The following OR2L13 variants were observed in gnomAD, a reference collection of about 807,000 sequenced individuals.
The protein encoded by OR2L13 is olfactory receptor 2L13.
In OR2L13, 14 loss-of-function variants were observed where a neutral mutation model predicts 15.3. That is an observed-to-expected ratio of 0.91 (90% CI 0.60 to 1.43). The LOEUF is 1.43. Ranked by LOEUF, OR2L13 falls within the 40% of genes most tolerant of loss-of-function variation. The pLI is 0.00. For synonymous variants in OR2L13, 152 were observed against 142.9 expected (o/e 1.06, Z -0.45); for missense variants, 367 against 387.9 (o/e 0.95, Z 0.45).
At chr1:247,946,382 G>T in the OR2L13 span, among the ~76,000 whole-genome samples, 1 of 152,114 alleles carries the variant, frequency 6.6e-6, no homozygotes, top group Non-Finnish European at 1.5e-5. Flanking sequence ...CGGGAAAGTG[G>T]ACTGTAGTGT....
the OR2L13 span, among the ~76,000 whole-genome samples, chr1:248,000,414 G>T: frequency 2.0e-5 from 3 of 152,040 alleles, no homozygotes; most frequent in African/African-American, 4.8e-5. Flanking sequence ...TAGACTATAG[G>T]TGAAAAATCT....
the OR2L13 span, among the ~76,000 whole-genome samples, chr1:248,068,879 G>A: frequency 6.6e-6 from 1 of 152,042 alleles, no homozygotes; most frequent in Non-Finnish European, 1.5e-5. Context: ...TATCAGTGAT[G>A]GAAGATGAAA....
the OR2L13 span, among the ~76,000 whole-genome samples, chr1:247,946,912 A>G: frequency 2.6e-5 from 4 of 152,162 alleles, no homozygotes; most frequent in Non-Finnish European, 5.9e-5. Flanking sequence ...GTTGAGAGAA[A>G]TTTTTTTAAG....
the OR2L13 span, among the ~76,000 whole-genome samples, chr1:248,064,395 C>T: frequency 2.6e-5 from 4 of 152,156 alleles, no homozygotes; most frequent in African/African-American, 9.7e-5. Context: ...GACACTGAAT[C>T]TTCAGTCACT....
At chr1:248,000,415 T>TGA in the OR2L13 span, among the ~76,000 whole-genome samples, 1 of 152,128 alleles carries the variant, frequency 6.6e-6, no homozygotes, top group Non-Finnish European at 1.5e-5. Flanking sequence ...AGACTATAGG[T>TGA]GAAAAATCTT....
the OR2L13 span, among the ~76,000 whole-genome samples, chr1:248,072,921 A>G: frequency 1.7e-4 from 26 of 152,292 alleles, 1 homozygote; most frequent in African/African-American, 6.0e-4. Flanking sequence ...CAAAACCACA[A>G]TGAGATAGCA....
chr1:247,976,991 T>C, the OR2L13 span, among the ~76,000 whole-genome samples: 3 of 152,384 alleles, frequency 2.0e-5, no homozygotes, highest in African/African-American at 7.2e-5. Flanking sequence ...TGAGGAAGCA[T>C]GTTGAATGTG....
exon 3 of OR2L13, chr1:248,100,509 T>G (rs767501550): frequency 3.3e-6 from 1 of 301,122 alleles, no homozygotes; most frequent in Non-Finnish European, 6.4e-6. Flanking sequence ...AATATTGATG[T>G]TAATTACATA....
the OR2L13 span, among the ~76,000 whole-genome samples, chr1:247,969,126 T>G: frequency 0.075 from 11,481 of 152,084 alleles, 931 homozygotes; most frequent in African/African-American, 0.21. Context: ...TGTGTCTGTT[T>G]CCTGCATAAA....
chr1:248,026,033 G>A, the OR2L13 span, among the ~76,000 whole-genome samples: 3 of 152,010 alleles, frequency 2.0e-5, 1 homozygote, highest in African/African-American at 7.3e-5. Flanking sequence ...CACCAGCATA[G>A]CACATGTATA....
At chr1:248,098,042 T>A (rs539057536) in intron 1 of OR2L13, among the ~76,000 whole-genome samples, 1 of 152,344 alleles carries the variant, frequency 6.6e-6, no homozygotes, top group East Asian at 1.9e-4. Flanking sequence ...TGAAGCCACA[T>A]GAGTTACAAA....
the OR2L13 span, among the ~76,000 whole-genome samples, chr1:248,070,246 G>C: frequency 1.2e-4 from 19 of 152,162 alleles, no homozygotes; most frequent in African/African-American, 2.4e-4. Flanking sequence ...CTCAGCAAAT[G>C]TAAAAGAACA....
At chr1:248,015,414 G>A in the OR2L13 span, among the ~76,000 whole-genome samples, 2 of 152,040 alleles carry the variant, frequency 1.3e-5, no homozygotes, top group Non-Finnish European at 2.9e-5. Flanking sequence ...GACAAGTGTT[G>A]TCAATGTGAA....
chr1:247,977,642 G>A, the OR2L13 span, among the ~76,000 whole-genome samples: 1 of 152,168 alleles, frequency 6.6e-6, no homozygotes, highest in Non-Finnish European at 1.5e-5. Flanking sequence ...CAGCTCGCCC[G>A]ATAGCCTACT....
At chr1:247,967,626 AT>A in the OR2L13 span, among the ~76,000 whole-genome samples, 134 of 152,146 alleles carry the variant, frequency 8.8e-4, no homozygotes, top group African/African-American at 3.1e-3. Context: ...ACATTTGATT[AT>A]TTTTTATTTA....
At chr1:248,030,258 T>A in the OR2L13 span, 1 of 152,178 alleles carries the variant, frequency 6.6e-6, no homozygotes, top group Non-Finnish European at 1.5e-5. Flanking sequence ...ATTGTATTTT[T>A]AAATTTTTAT....
At chr1:248,079,589 G>A in the OR2L13 span, among the ~76,000 whole-genome samples, 1 of 152,062 alleles carries the variant, frequency 6.6e-6, no homozygotes, top group Non-Finnish European at 1.5e-5. Context: ...ATATAATGTG[G>A]TATCTGTTCG....
chr1:248,008,226 A>G, the OR2L13 span, among the ~76,000 whole-genome samples: 2 of 152,136 alleles, frequency 1.3e-5, no homozygotes, highest in African/African-American at 2.4e-5. Context: ...CTTATTTTCC[A>G]CTAGCTTTAC....
At chr1:248,078,674 A>C in the OR2L13 span, among the ~76,000 whole-genome samples, 1 of 152,152 alleles carries the variant, frequency 6.6e-6, no homozygotes, top group East Asian at 1.9e-4. Context: ...ATGAAGGTCC[A>C]TAGCTATGGA....
Sources: gnomAD v4.1 joint callset for allele counts (sites outside exome capture counted in the v4.1 genomes callset) on GRCh38, gnomAD v4.1.1 for gene constraint, MANE v1.5 for transcripts, NCBI Gene and HGNC (gene_info 2026-07-23, HGNC 2026-07-21) for gene names.